Variants in MRPL46 observed in about 807,000 individuals in gnomAD.
The protein encoded by MRPL46 is mitochondrial ribosomal protein L46.
A neutral mutation model predicts 31.0 loss-of-function variants in MRPL46; 26 were observed. The observed-to-expected ratio is 0.84, with a 90% CI of 0.61 to 1.16. The LOEUF (loss-of-function observed/expected upper bound fraction) is 1.16, where lower values mean the gene tolerates loss of function less well. MRPL46 is among the 50% of genes most tolerant of loss of function. The pLI, the probability that MRPL46 is intolerant of heterozygous loss-of-function variation, is 0.00. For missense variants in MRPL46, 395 were observed against 340.0 expected, an observed-to-expected ratio of 1.16 and a Z score of -1.27; for synonymous variants, 159 against 141.3, an observed-to-expected ratio of 1.13 and a Z score of -0.89.
At position 88,463,334 on chromosome 15, in the gene MRPL46, T is replaced by C. The variant is rs775946288; in HGVS notation, c.589+1369A>G. ...ATTCAACAAATGCCTATGTGCCAGG[T>C]ACTTTGCTGAAAGCTAGGATCAGAG... On this transcript the variant is annotated intron_variant, in intron 3 of 3. Transcript: ENST00000312475. The surrounding 1 kb of genome is among the most constrained non-coding windows in gnomAD (Gnocchi z 5.4). 1.3e-5 allele frequency: 2 copies of C among 152,232 alleles called. No individual in the cohort carries two copies. Among genetic ancestry groups the C allele is most frequent in the African/African-American group, 4.8e-5 (2 of 41,458 alleles). 9.4% of individuals were successfully genotyped at this position (152,232 alleles called of 1,614,324 possible).
At position 88,465,592 on chromosome 15, in the gene MRPL46, A is replaced by G. The variant is rs761304644; in HGVS notation, c.410T>C (p.Ile137Thr). 3.7e-6 allele frequency: 6 copies of G among 1,603,056 alleles called. No homozygotes were observed. The South Asian group carries it at 6.7e-5, about 18-fold the overall frequency. ...TGGCCTAAAAGGATCACAACCTGTT[A>G]TGCGAGCTCCAAGTTTGAACTGTAG... ...KFLQFKLGAR[I>T]TEADEKNDRT... Residue 137 changes from isoleucine to threonine, a missense_variant, in exon 2 of 4, where the codon ATA (isoleucine) becomes ACA (threonine). Physicochemically the swap from Ile to Thr is moderately conservative, Grantham distance 89. Coordinates refer to ENST00000312475, the MANE Select transcript of MRPL46 (RefSeq NM_022163.4).
rs1353342901 is a variant in MRPL46 at position 88,459,869 on chromosome 15, G to C, written c.590-6C>G. Reference sequence around the variant, plus strand: ...CTTGGCTTCCATGTTGTTTTCTGAAGAGGGAGGAAAGAAAAATCACAATTG... The same window carrying C: ...CTTGGCTTCCATGTTGTTTTCTGAACAGGGAGGAAAGAAAAATCACAATTG... On this transcript the variant is annotated splice_polypyrimidine_tract_variant and splice_region_variant and intron_variant, in intron 3 of 3. Coordinates refer to ENST00000312475, the MANE Select transcript of MRPL46 (RefSeq NM_022163.4). 1.2e-6 allele frequency: 2 copies of C among 1,613,586 alleles called. No homozygotes were observed. Among genetic ancestry groups the C allele is most frequent in the African/African-American group, 2.7e-5 (2 of 74,906 alleles).
rs367612805 is a variant in MRPL46 at position 88,465,734 on chromosome 15, G to A, written c.268C>T (p.Arg90Cys). Reference sequence around the variant, plus strand: ...AGTCGCTGGTTTTCATCCAGAGCACGAAGCTCGTGGTCTGAATACAGGCTT... The same window carrying A: ...AGTCGCTGGTTTTCATCCAGAGCACAAAGCTCGTGGTCTGAATACAGGCTT... ...ERSLYSDHEL[R>C]ALDENQRLAK... is the part of the protein sequence containing the mutation. Residue 90 changes from arginine (R) to cysteine (C), a missense_variant, in exon 2 of 4, where the codon CGT becomes TGT. Physicochemically the swap from Arg to Cys is radical, Grantham distance 180. Transcript: ENST00000312475. 33 of 1,613,020 alleles carry A rather than the reference G, an allele frequency of 2.0e-5. No homozygotes were observed. Among genetic ancestry groups the A allele is most frequent in the Non-Finnish European group, 2.7e-5 (32 of 1,179,834 alleles).
At position 88,463,350 on chromosome 15, in the gene MRPL46, A is replaced by G. The variant is rs547589674; in HGVS notation, c.589+1353T>C. On this transcript the variant is annotated intron_variant, in intron 3 of 3. Transcript: ENST00000312475. This position sits in a 1 kb window ranked among gnomAD's most constrained non-coding sequence, Gnocchi z 5.4. ...TGTGCCAGGTACTTTGCTGAAAGCT[A>G]GGATCAGAGAGAGGAACAGATACTG... The G allele has an allele frequency of 2.9e-4, 44 of 152,396 alleles. No homozygotes were observed. The highest frequency in any genetic ancestry group is 8.7e-4 in the African/African-American group (36 of 41,598). The allele number at this position is 152,396 out of a possible 1,614,324, so 9.4% of individuals were successfully genotyped here.
chr15:88,462,021 T>C (rs190584088), intron 3 of MRPL46: 276 of 152,334 alleles, frequency 1.8e-3, no homozygotes, highest in African/African-American at 6.1e-3. Flanking sequence ...TGTATATGCA[T>C]AGAGAATTTC....
At chr15:88,461,781 A>T (rs1223735234) in intron 3 of MRPL46, 1 of 152,260 alleles carries the variant, frequency 6.6e-6, no homozygotes, top group African/African-American at 2.4e-5. Flanking sequence ...AGATGAGCAT[A>T]CAAGGATATT....
At chr15:88,465,876 C>T (rs968667334) in intron 1 of MRPL46, 103 bp from the exon 2 acceptor site, 7 of 1,127,714 alleles carry the variant, frequency 6.2e-6, no homozygotes, top group Non-Finnish European at 8.5e-6. Context: ...TTGGCAAGCT[C>T]AGAAGTTTAT....
In MRPL46 at chr15:88,463,161, CTGTCTTGA is replaced by C. The variant is rs552037502; in HGVS notation, c.589+1534_589+1541del. The C allele has an allele frequency of 4.4e-4, 67 of 152,342 alleles. No homozygotes were observed. Among genetic ancestry groups the C allele is most frequent in the African/African-American group, 1.5e-3 (62 of 41,584 alleles). 9.4% of individuals were successfully genotyped at this position (152,342 alleles called of 1,614,324 possible). On this transcript the variant is annotated intron_variant, in intron 3 of 3. Coordinates refer to ENST00000312475, the MANE Select transcript of MRPL46 (RefSeq NM_022163.4). This position sits in a 1 kb window ranked among gnomAD's most constrained non-coding sequence, Gnocchi z 5.4. The stretch of plus-strand genomic sequence containing the variant: ...ACCTCCTCTCCTACCATATTCCATT[CTGTCTTGA>C]TGTCTCTCCTGCAGGCCACACAGGC...
At chr15:88,459,933 A>C in intron 3 of MRPL46, 70 bp from the exon 4 acceptor site, 1 of 1,570,568 alleles carries the variant, frequency 6.4e-7, no homozygotes, top group Non-Finnish European at 8.7e-7. Context: ...TCTGGCTCCC[A>C]AAATTATAGG....
Position 88,460,204 on chromosome 15 carries a change from G to GCTATCTGCTGGCGAATCAGCCCAGTCA in MRPL46, c.590-342_590-341insTGACTGGGCTGATTCGCCAGCAGATAG, listed in dbSNP as rs1555422783. The GCTATCTGCTGGCGAATCAGCCCAGTCA allele has an allele frequency of 6.3e-4, 165 of 262,500 alleles. 2 individuals are homozygous for GCTATCTGCTGGCGAATCAGCCCAGTCA. Among genetic ancestry groups the GCTATCTGCTGGCGAATCAGCCCAGTCA allele is most frequent in the African/African-American group, 3.5e-3 (148 of 42,132 alleles). The allele number at this position is 262,500 out of a possible 1,614,324, so 16.3% of individuals were successfully genotyped here. On this transcript the variant is annotated intron_variant, in intron 3 of 3. Transcript: ENST00000312475. ...TATCTGCTGGCGAATCAGCCCAGTC[G>GCTATCTGCTGGCGAATCAGCCCAGTCA]CTATGCTGGCGAATCAGCCCAGTCG... is the stretch of plus-strand genomic sequence containing the variant.
Position 88,465,750 on chromosome 15 carries a change from A to G in MRPL46, c.252T>C (p.Tyr84=). ...CCAGAGCACGAAGCTCGTGGTCTGA[A>G]TACAGGCTTCTCTCTATCTCAATCT... The part of the protein sequence containing the change: ...LQQIEIERSL[Y]SDHELRALDE... Residue 84 remains tyrosine (Y), a synonymous_variant, in exon 2 of 4, where the codon TAT becomes TAC. Transcript: ENST00000312475. 2 of 1,605,274 alleles carry G rather than the reference A, an allele frequency of 1.2e-6. No individual in the cohort carries two copies. Among genetic ancestry groups the G allele is most frequent in the Non-Finnish European group, 1.7e-6 (2 of 1,177,946 alleles).
chr15:88,464,820 C>A lies in MRPL46; in HGVS notation c.472G>T (p.Val158Phe). Residue 158 changes from valine (V) to phenylalanine (F), a missense_variant, in exon 3 of 4, where the codon GTC (valine) becomes TTC (phenylalanine). By Grantham distance (50) the Val-to-Phe change is conservative (BLOSUM62 -1). Transcript: ENST00000312475. ...SLNRKLDRNL[V>F]LLVREKFGDQ... Reference sequence around the variant, plus strand: ...CCAAACTTCTCTCTGACTAACAGGACAAGGTTCCTGTCTAGCTTCCTGTTC... The same window carrying A: ...CCAAACTTCTCTCTGACTAACAGGAAAAGGTTCCTGTCTAGCTTCCTGTTC... 6.2e-7 allele frequency: 1 copy of A among 1,614,166 alleles called. No individual in the cohort carries two copies. The highest frequency in any genetic ancestry group is 1.1e-5 in the South Asian group (1 of 91,082).
In MRPL46 at chr15:88,463,577, G is replaced by A. The variant is rs1305794052; in HGVS notation, c.589+1126C>T. 6.6e-6 allele frequency: 1 copy of A among 152,226 alleles called. No homozygotes were observed. The highest frequency in any genetic ancestry group is 2.4e-5 in the African/African-American group (1 of 41,456). 9.4% of individuals were successfully genotyped at this position (152,226 alleles called of 1,614,324 possible). On this transcript the variant is annotated intron_variant, in intron 3 of 3. Transcript: ENST00000312475. This position sits in a 1 kb window ranked among gnomAD's most constrained non-coding sequence, Gnocchi z 5.4. ...AAGGACACACACCAGTGCTACGGGAGCCTAGAGAGAGGAGTAGCTCTGTCT... is the reference window on the plus strand; with the variant it reads ...AAGGACACACACCAGTGCTACGGGAACCTAGAGAGAGGAGTAGCTCTGTCT...
intron 1 of MRPL46, 92 bp from the exon 2 acceptor site, chr15:88,465,865 C>G: frequency 8.2e-7 from 1 of 1,218,786 alleles, no homozygotes; most frequent in Non-Finnish European, 1.1e-6. Flanking sequence ...ACATGGCACA[C>G]TTGGCAAGCT....
rs1021164035 is a variant in MRPL46, at chr15:88,459,712, C to A, written c.741G>T (p.Gly247=). 16 of 1,614,034 alleles carry A rather than the reference C, an allele frequency of 9.9e-6. No individual in the cohort carries two copies. The highest frequency in any genetic ancestry group is 1.4e-5 in the Non-Finnish European group (16 of 1,180,036). Residue 247 remains glycine (G), a synonymous_variant, in exon 4 of 4, where the codon GGG becomes GGT. Coordinates refer to ENST00000312475, the MANE Select transcript of MRPL46 (RefSeq NM_022163.4). ...LLLTGDFSQA[G]NKGHHVWVTK... ...TGACCCACACATGATGGCCCTTATT[C>A]CCAGCCTGGGAAAAGTCTCCAGTTA...
At chr15:88,465,415 G>A (rs1046421520) in intron 2 of MRPL46, 172 bp downstream of exon 2, 30 of 673,680 alleles carry the variant, frequency 4.5e-5, no homozygotes, top group African/African-American at 3.2e-4. Context: ...CCTCTCACCC[G>A]AAAATAAGAC....
intron 3 of MRPL46, 24 bp downstream of exon 3, chr15:88,464,679 T>C: frequency 6.3e-7 from 1 of 1,585,534 alleles, no homozygotes; most frequent in South Asian, 1.1e-5. Flanking sequence ...TTTTGTGGAA[T>C]TTAGAGGAAG....
intron 1 of MRPL46, 27 bp downstream of exon 1, chr15:88,467,123 A>G: frequency 6.2e-7 from 1 of 1,606,280 alleles, no homozygotes; most frequent in South Asian, 1.1e-5. Context: ...AATAAACGTC[A>G]CTCTGAACCC....
At chr15:88,466,833 TCATCA>T (rs1421210814) in intron 1 of MRPL46, among the ~76,000 whole-genome samples, 1 of 152,188 alleles carries the variant, frequency 6.6e-6, no homozygotes, top group Non-Finnish European at 1.5e-5. Flanking sequence ...TTCTTAACAT[TCATCA>T]CATCACAAAG....
Sources: allele counts gnomAD v4.1 joint callset (sites outside exome capture counted in the v4.1 genomes callset), GRCh38; gene constraint gnomAD v4.1.1; non-coding constraint Gnocchi (gnomAD v3.1); transcripts MANE v1.5; gene names NCBI Gene and HGNC (gene_info 2026-07-23, HGNC 2026-07-21).